Variants in MAP7D2 observed in about 807,000 individuals in gnomAD.
MAP7D2 encodes MAP7 domain containing 2, also known as MAP7 domain-containing protein 2.
MAP7D2 carries 33 observed loss-of-function variants against 63.5 expected under a neutral mutation model. That is an observed-to-expected ratio of 0.52 (90% CI 0.39 to 0.70). MAP7D2 has a LOEUF of 0.70. MAP7D2 is among the 30% of genes least tolerant of loss of function. The probability of loss-of-function intolerance (pLI) is 0.00; values close to 1 mark genes in which losing one functional copy is unlikely to be tolerated. For missense variants in MAP7D2, 626 were observed against 604.0 expected (o/e 1.04, Z -0.38); for synonymous variants, 224 against 223.7 (o/e 1.00, Z -0.01).
intron 1 of MAP7D2, among the ~76,000 whole-genome samples, chrX:20,087,953 T>A (rs2065956709): frequency 1.0e-5 from 1 of 96,493 alleles, no homozygotes; most frequent in African/African-American, 3.8e-5. Context: ...GCAATGGCGC[T>A]ATCTCGGGTC....
At chrX:20,052,797 G>T in intron 5 of MAP7D2, 81 bp downstream of exon 5, 1 of 743,171 alleles carries the variant, frequency 1.3e-6, no homozygotes, top group South Asian at 2.2e-5. Flanking sequence ...CTCAAGAGGA[G>T]ACTCTCACAA....
Position 20,108,359 on chromosome X carries a change from C to T in MAP7D2, c.130+8391G>A, listed in dbSNP as rs182284887. On this transcript the variant is annotated intron_variant, in intron 1 of 16. Transcript: ENST00000379643. ...AAGCGATTCTCGTGCCGCCGCTTCCCGAGTAACTGGGACTACAGGTATGCG... is the reference window on the plus strand; with the variant it reads ...AAGCGATTCTCGTGCCGCCGCTTCCTGAGTAACTGGGACTACAGGTATGCG... Among the ~76,000 whole-genome samples the T allele has an allele frequency of 1.9e-3, 206 of 109,729 alleles. 1 individual carries two copies. Among genetic ancestry groups the T allele is most frequent in the Non-Finnish European group, 3.4e-3 (180 of 52,632 alleles).
At chrX:20,051,193 G>A (rs1223256965) in intron 5 of MAP7D2, among the ~76,000 whole-genome samples, 1 of 111,190 alleles carries the variant, frequency 9.0e-6, no homozygotes, top group Non-Finnish European at 1.9e-5. Context: ...ATATGCTATT[G>A]CAGTACAGTA....
chrX:20,023,937 C>A (rs148404424), intron 10 of MAP7D2, among the ~76,000 whole-genome samples: 1 of 112,120 alleles, frequency 8.9e-6, no homozygotes, highest in East Asian at 2.8e-4. Context: ...AAGGGACTGT[C>A]GAGACCTACC....
chrX:20,034,010 A>C (rs2074130009), intron 8 of MAP7D2, among the ~76,000 whole-genome samples: 1 of 109,314 alleles, frequency 9.1e-6, no homozygotes, highest in African/African-American at 3.4e-5. Context: ...GGATCACTTG[A>C]GGTCAGGAGT....
chrX:20,090,616 C>A (rs749218822), intron 1 of MAP7D2, among the ~76,000 whole-genome samples: 20 of 112,074 alleles, frequency 1.8e-4, no homozygotes, highest in Non-Finnish European at 3.6e-4. Flanking sequence ...AAGAATACAA[C>A]CACTTGGGAA....
chrX:20,078,608 C>T (rs2065703090), intron 1 of MAP7D2, among the ~76,000 whole-genome samples: 1 of 112,830 alleles, frequency 8.9e-6, no homozygotes, highest in South Asian at 3.6e-4. Flanking sequence ...CTCAGCCTCA[C>T]TTTTCTCAGC....
At chrX:20,072,975 A>G (rs2065543261) in intron 1 of MAP7D2, among the ~76,000 whole-genome samples, 1 of 111,805 alleles carries the variant, frequency 8.9e-6, no homozygotes, top group Non-Finnish European at 1.9e-5. Context: ...AAATGCCACC[A>G]GATTACACTT....
At chrX:20,092,909 G>A (rs774669742) in intron 1 of MAP7D2, among the ~76,000 whole-genome samples, 40 of 112,109 alleles carry the variant, frequency 3.6e-4, no homozygotes, top group Admixed American at 3.3e-3. Context: ...TATACATCTG[G>A]ACACTACATT....
intron 16 of MAP7D2, among the ~76,000 whole-genome samples, chrX:20,009,025 A>G (rs922318836): frequency 8.9e-6 from 1 of 111,762 alleles, no homozygotes; most frequent in Non-Finnish European, 1.9e-5. Context: ...TAAGCCACGT[A>G]ACTGTCAGGG....
rs1205191182 is a variant in MAP7D2 at position 20,064,767 on chromosome X, A to G, written c.169T>C (p.Leu57=). The stretch of plus-strand genomic sequence containing the variant: ...CTTTCTTCTCGTCTTTCTTTGGCCA[A>G]TCTCTGCCTCTCATCTGATTTCAAA... ...GFLKSDERQR[L]AKERREEREK... The change falls in exon 2 of 17, where the codon TTG becomes CTG. Residue 57 remains leucine, a synonymous_variant. Coordinates refer to ENST00000379643, the MANE Select transcript of MAP7D2 (RefSeq NM_001168465.2). 2 of 1,211,102 alleles carry G rather than the reference A, an allele frequency of 1.7e-6. No homozygotes were observed. Among genetic ancestry groups the G allele is most frequent in the Admixed American group, 2.2e-5 (1 of 46,032 alleles).
At position 20,116,759 on chromosome X, in the gene MAP7D2, G is replaced by A. The variant is rs200591568; in HGVS notation, c.121C>T (p.Arg41Trp). ...GAVRTSQPNY[R>W]PQGMEGFLKS... ...ACTCTGGGGATAATACCTTGAGGCC[G>A]GTAGTTGGGCTGAGAGGTCCGCACC... is the stretch of plus-strand genomic sequence containing the variant. The change falls in exon 1 of 17, where the codon CGG becomes TGG. Residue 41 changes from arginine (R) to tryptophan (W), a missense_variant. Coordinates refer to ENST00000379643, the MANE Select transcript of MAP7D2 (RefSeq NM_001168465.2). The A allele has an allele frequency of 1.6e-4, 183 of 1,180,082 alleles. No homozygotes were observed. Among genetic ancestry groups the A allele is most frequent in the Non-Finnish European group, 2.0e-4 (174 of 881,193 alleles).
intron 9 of MAP7D2, among the ~76,000 whole-genome samples, chrX:20,025,324 C>T (rs2073800816): frequency 8.9e-6 from 1 of 112,201 alleles, no homozygotes; most frequent in African/African-American, 3.2e-5. Context: ...GACAAGGTCA[C>T]TAGCAAGTGC....
intron 1 of MAP7D2, among the ~76,000 whole-genome samples, chrX:20,081,679 G>A (rs1445359895): frequency 2.8e-5 from 3 of 105,274 alleles, no homozygotes; most frequent in Non-Finnish European, 5.8e-5. Context: ...TTGAGACAGA[G>A]TCTCACTCGG....
intron 3 of MAP7D2, among the ~76,000 whole-genome samples, chrX:20,062,797 T>C (rs1385719327): frequency 8.9e-6 from 1 of 112,464 alleles, no homozygotes; most frequent in African/African-American, 3.2e-5. Context: ...ATTTCTTTTT[T>C]AAAAGGTAAC....
At chrX:20,012,572 A>C (rs754488976) in intron 14 of MAP7D2, 37 bp from the exon 15 acceptor site, 40 of 1,054,801 alleles carry the variant, frequency 3.8e-5, no homozygotes, top group Non-Finnish European at 4.8e-5. Context: ...GTTAATCATA[A>C]AATGTCTAAA....
intron 3 of MAP7D2, among the ~76,000 whole-genome samples, chrX:20,060,490 G>GAAAGAA (rs766799282): frequency 1.9e-5 from 2 of 106,175 alleles, no homozygotes; most frequent in African/African-American, 3.4e-5. Context: ...AAGAAAGAAA[G>GAAAGAA]AGAAAGAGGC....
At chrX:20,058,171 G>A (rs12392492) in intron 3 of MAP7D2, among the ~76,000 whole-genome samples, 7,631 of 112,260 alleles carry the variant, frequency 0.068, 612 homozygotes, top group African/African-American at 0.23. Context: ...CAGTCCTCAC[G>A]ACCCTGGCCC....
intron 1 of MAP7D2, among the ~76,000 whole-genome samples, chrX:20,096,770 T>G (rs776571031): frequency 8.9e-6 from 1 of 112,202 alleles, no homozygotes; most frequent in South Asian, 3.7e-4. Flanking sequence ...AAGTGGTGAA[T>G]TTTATGTTAT....
Sources: gnomAD v4.1 joint callset for allele counts (sites outside exome capture counted in the v4.1 genomes callset) on GRCh38, gnomAD v4.1.1 for gene constraint, MANE v1.5 for transcripts, NCBI Gene and HGNC (gene_info 2026-07-23, HGNC 2026-07-21) for gene names.